CCBE1: variants seen among roughly 807,000 people sequenced by gnomAD.
The protein encoded by CCBE1 is collagen and calcium binding EGF domains 1.
In CCBE1, 37 loss-of-function variants were observed where a neutral mutation model predicts 50.0. That is an observed-to-expected ratio of 0.74 (90% CI 0.57 to 0.97). The LOEUF (loss-of-function observed/expected upper bound fraction) is 0.97, where lower values mean the gene tolerates loss of function less well. CCBE1 is among the 50% of genes least tolerant of loss of function. The pLI, the probability that CCBE1 is intolerant of heterozygous loss-of-function variation, is 0.00. For missense variants in CCBE1, 538 were observed against 523.8 expected (o/e 1.03, Z -0.26); for synonymous variants, 234 against 203.7 (o/e 1.15, Z -1.27).
intron 2 of CCBE1, among the ~76,000 whole-genome samples, chr18:59,623,006 A>T (rs527439079): frequency 8.1e-4 from 123 of 152,158 alleles, no homozygotes; most frequent in African/African-American, 2.8e-3. Flanking sequence ...ACTAACATGA[A>T]CTATGTAGAC....
intron 5 of CCBE1, among the ~76,000 whole-genome samples, chr18:59,463,622 G>A (rs1215578850): frequency 6.6e-6 from 1 of 151,990 alleles, no homozygotes; most frequent in South Asian, 2.1e-4. Context: ...GCTAGTGATG[G>A]TTGGTCTCCC....
At chr18:59,689,860 C>T (rs112732517) in intron 2 of CCBE1, among the ~76,000 whole-genome samples, 7 of 152,148 alleles carry the variant, frequency 4.6e-5, no homozygotes, top group African/African-American at 1.2e-4. Flanking sequence ...TTCTTGCTAG[C>T]GCCTCTGCAG....
At chr18:59,458,748 T>C (rs904095712) in intron 5 of CCBE1, among the ~76,000 whole-genome samples, 1 of 152,228 alleles carries the variant, frequency 6.6e-6, no homozygotes, top group Non-Finnish European at 1.5e-5. Flanking sequence ...CTGAGAGCTA[T>C]CTGTCGGCCA....
chr18:59,666,725 G>A (rs2054362390), intron 2 of CCBE1, among the ~76,000 whole-genome samples: 1 of 152,122 alleles, frequency 6.6e-6, no homozygotes, highest in South Asian at 2.1e-4. Flanking sequence ...CCAGAACGTT[G>A]GGAGGCCGAG....
At chr18:59,587,556 T>C (rs1457121048) in intron 2 of CCBE1, among the ~76,000 whole-genome samples, 3 of 152,208 alleles carry the variant, frequency 2.0e-5, no homozygotes, top group African/African-American at 7.2e-5. Context: ...GAGCTTAACA[T>C]ATAAAGTATA....
chr18:59,664,945 A>G (rs900292583), intron 2 of CCBE1, among the ~76,000 whole-genome samples: 1 of 152,218 alleles, frequency 6.6e-6, no homozygotes, highest in African/African-American at 2.4e-5. Flanking sequence ...ATCAACAGGC[A>G]GAGGAGGATC....
At chr18:59,563,269 G>A (rs1477201982) in intron 2 of CCBE1, among the ~76,000 whole-genome samples, 1 of 152,112 alleles carries the variant, frequency 6.6e-6, no homozygotes. Context: ...GGGGTTGGGG[G>A]GAAGAATAGA....
chr18:59,581,301 TG>T (rs1222264620), intron 2 of CCBE1, among the ~76,000 whole-genome samples: 2 of 151,498 alleles, frequency 1.3e-5, no homozygotes, highest in Non-Finnish European at 2.9e-5. Flanking sequence ...ATTAGCTGGG[TG>T]TGGTGGTGCA....
At chr18:59,639,115 A>C (rs1047614180) in intron 2 of CCBE1, among the ~76,000 whole-genome samples, 6 of 152,198 alleles carry the variant, frequency 3.9e-5, no homozygotes, top group African/African-American at 1.4e-4. Context: ...CTCTAAAAAA[A>C]TTGAAAAATA....
intron 2 of CCBE1, among the ~76,000 whole-genome samples, chr18:59,516,863 T>C (rs550487911): frequency 5.4e-4 from 83 of 152,336 alleles, no homozygotes; most frequent in African/African-American, 1.7e-3. Flanking sequence ...CCAGGATAGA[T>C]AGAGCCTTTG....
intron 2 of CCBE1, among the ~76,000 whole-genome samples, chr18:59,652,630 A>C (rs2054140337): frequency 6.6e-6 from 1 of 152,250 alleles, no homozygotes; most frequent in African/African-American, 2.4e-5. Context: ...AGTCCCGCTC[A>C]GACTCAGAGC....
intron 2 of CCBE1, among the ~76,000 whole-genome samples, chr18:59,588,182 G>A (rs914303268): frequency 1.3e-5 from 2 of 152,198 alleles, no homozygotes; most frequent in African/African-American, 4.8e-5. Flanking sequence ...CTATATACAA[G>A]TAAATTCTAT....
intron 2 of CCBE1, among the ~76,000 whole-genome samples, chr18:59,500,633 C>G (rs145033940): frequency 6.6e-6 from 1 of 152,276 alleles, no homozygotes; most frequent in African/African-American, 2.4e-5. Context: ...ACCTGGAAAT[C>G]CAGCAGGGAG....
intron 5 of CCBE1, 177 bp from the exon 6 acceptor site, chr18:59,455,128 G>A: frequency 1.4e-6 from 1 of 690,880 alleles, no homozygotes; most frequent in Non-Finnish European, 2.7e-6. Context: ...CAGGGTCAGG[G>A]AAGAGGGGAG....
At position 59,434,681 on chromosome 18, in the gene CCBE1, A is replaced by C. The variant is rs1170035871; in HGVS notation, c.*1227T>G. The C allele has an allele frequency of 1.3e-5, 2 of 152,252 alleles. No homozygotes were observed. The highest frequency in any genetic ancestry group is 2.9e-5 in the Non-Finnish European group (2 of 68,046). The allele number at this position is 152,252 out of a possible 1,614,324, so 9.4% of individuals were successfully genotyped here. A position where few individuals can be genotyped will look rare whatever the true frequency, so the allele number is the denominator to read the frequency against. On this transcript the variant is annotated 3_prime_UTR_variant, in exon 11 of 11. Coordinates refer to ENST00000439986, the MANE Select transcript of CCBE1 (RefSeq NM_133459.4). ...GCCTAAAAGAACTGGAACTTGGACT[A>C]AATTAAAGAAAATTAAGAAAAAATG...
Position 59,435,614 on chromosome 18 carries a change from T to C in CCBE1, c.*294A>G. 2.2e-6 allele frequency: 1 copy of C among 453,166 alleles called. No homozygotes were observed. The highest frequency in any genetic ancestry group is 4.0e-6 in the Non-Finnish European group (1 of 247,122). The allele number at this position is 453,166 out of a possible 1,614,324, so 28.1% of individuals were successfully genotyped here. ...TTAAGACACTGTGAGAGTACTTAAA[T>C]CCAAAGTTCCTGGAAAAATAGGATG... is the stretch of plus-strand genomic sequence containing the variant. On this transcript the variant is annotated 3_prime_UTR_variant, in exon 11 of 11. Transcript: ENST00000439986.
chr18:59,678,055 T>C (rs1015908059), intron 2 of CCBE1, among the ~76,000 whole-genome samples: 1 of 151,988 alleles, frequency 6.6e-6, no homozygotes, highest in Admixed American at 6.6e-5. Flanking sequence ...GATGCAAAGA[T>C]GGGAAGTAAG....
chr18:59,444,993 T>C (rs571468376), intron 7 of CCBE1, among the ~76,000 whole-genome samples: 14 of 152,246 alleles, frequency 9.2e-5, no homozygotes, highest in African/African-American at 3.4e-4. Context: ...ATCCTGTAGG[T>C]TGTTTTTGCC....
chr18:59,696,088 T>A (rs1184941690), intron 2 of CCBE1, among the ~76,000 whole-genome samples: 2 of 151,934 alleles, frequency 1.3e-5, no homozygotes, highest in Non-Finnish European at 2.9e-5. Flanking sequence ...CAGGTGAATC[T>A]GTGGCCCACA....
Sources: allele counts gnomAD v4.1 joint callset (sites outside exome capture counted in the v4.1 genomes callset), GRCh38; gene constraint gnomAD v4.1.1; transcripts MANE v1.5; gene names NCBI Gene and HGNC (gene_info 2026-07-23, HGNC 2026-07-21).